RNF111: variants seen among roughly 807,000 people sequenced by gnomAD.
RNF111 encodes ring finger protein 111, also known as E3 ubiquitin-protein ligase Arkadia.
In RNF111, 17 loss-of-function variants were observed where a neutral mutation model predicts 95.1. The observed-to-expected ratio is 0.18, with a 90% CI of 0.12 to 0.27. RNF111 has a LOEUF of 0.27. Among genes scored for constraint, RNF111 ranks in the 10% least tolerant of loss-of-function variants. The pLI, the probability that RNF111 is intolerant of heterozygous loss-of-function variation, is 1.00. For missense variants in RNF111, 1,189 were observed against 1,210.4 expected (o/e 0.98, Z 0.26); for synonymous variants, 440 against 414.8 (o/e 1.06, Z -0.74).
intron 5 of RNF111, among the ~76,000 whole-genome samples, chr15:59,060,797 T>TATA (rs1207251899): frequency 6.7e-6 from 1 of 148,526 alleles, no homozygotes; most frequent in African/African-American, 2.5e-5. Context: ...TTATTATTAT[T>TATA]ATTATTATTA....
intron 2 of RNF111, among the ~76,000 whole-genome samples, chr15:59,048,722 A>G (rs2041828217): frequency 6.6e-6 from 1 of 152,198 alleles, no homozygotes; most frequent in African/African-American, 2.4e-5. Context: ...ACAGCAAGAA[A>G]AGAAATGGAG....
chr15:59,056,993 C>T (rs371986810), intron 4 of RNF111, among the ~76,000 whole-genome samples: 1 of 152,152 alleles, frequency 6.6e-6, no homozygotes. Context: ...CCTTTCCCCC[C>T]ACTAGTTTTT....
At chr15:59,080,392 G>C (rs1194942437) in intron 7 of RNF111, among the ~76,000 whole-genome samples, 1 of 152,146 alleles carries the variant, frequency 6.6e-6, no homozygotes, top group Non-Finnish European at 1.5e-5. Flanking sequence ...AAAGTGCTGG[G>C]ATTACAGGTG....
chr15:59,030,755 A>G lies in RNF111; in HGVS notation c.-19-49A>G, dbSNP rs183901750. 1.1e-4 allele frequency: 150 copies of G among 1,305,300 alleles called. No individual in the cohort carries two copies. In the African/African-American group the frequency reaches 2.0e-3, roughly 17 times the overall value. 80.9% of individuals were successfully genotyped at this position (1,305,300 alleles called of 1,614,324 possible). Reference sequence around the variant, plus strand: ...TTTGAGAACTCTTCAATTAAATAGTATAATAAAACACATTAAAAATCTTTT... The same window carrying G: ...TTTGAGAACTCTTCAATTAAATAGTGTAATAAAACACATTAAAAATCTTTT... On this transcript the variant is annotated intron_variant, in intron 1 of 13. Transcript: ENST00000348370.
At chr15:59,074,979 T>C (rs1278332299) in intron 6 of RNF111, among the ~76,000 whole-genome samples, 2 of 152,222 alleles carry the variant, frequency 1.3e-5, no homozygotes, top group African/African-American at 2.4e-5. Flanking sequence ...AGCAGGGTAA[T>C]GGGGAAACAT....
At chr15:59,067,523 C>T (rs1395070289) in intron 6 of RNF111, among the ~76,000 whole-genome samples, 2 of 152,238 alleles carry the variant, frequency 1.3e-5, no homozygotes, top group African/African-American at 2.4e-5. Flanking sequence ...CACATTCTTA[C>T]ACTCGAAAAT....
intron 3 of RNF111, among the ~76,000 whole-genome samples, chr15:59,053,369 C>G (rs982812657): frequency 2.6e-5 from 4 of 152,164 alleles, no homozygotes; most frequent in Non-Finnish European, 4.4e-5. Context: ...ACATTTGATA[C>G]ACCCAACTAA....
intron 6 of RNF111, among the ~76,000 whole-genome samples, chr15:59,070,217 A>C (rs1320888042): frequency 6.6e-6 from 1 of 151,742 alleles, no homozygotes; most frequent in African/African-American, 2.4e-5. Flanking sequence ...GTGTAAGCCA[A>C]TTATTATGTC....
chr15:58,992,656 A>G (rs1195840740), intron 1 of RNF111, among the ~76,000 whole-genome samples: 1 of 151,776 alleles, frequency 6.6e-6, no homozygotes, highest in Non-Finnish European at 1.5e-5. Context: ...TGGCTGTACC[A>G]AAAAAATACA....
chr15:58,989,240 T>C (rs191041586), intron 1 of RNF111, among the ~76,000 whole-genome samples: 3 of 152,352 alleles, frequency 2.0e-5, no homozygotes, highest in African/African-American at 7.2e-5. Flanking sequence ...AGTCTGGTTA[T>C]ATTTGTGAGG....
At chr15:59,011,354 C>T (rs1205931487) in intron 1 of RNF111, among the ~76,000 whole-genome samples, 1 of 152,206 alleles carries the variant, frequency 6.6e-6, no homozygotes, top group African/African-American at 2.4e-5. Context: ...ACTATAACTT[C>T]CTCAGGACTG....
In RNF111 at chr15:58,998,636, A is replaced by C. The variant is rs189113680; in HGVS notation, c.-20+10568A>C. Among the ~76,000 whole-genome samples, 424 of 152,358 alleles carry C rather than the reference A, an allele frequency of 2.8e-3. 3 individuals are homozygous for C. The highest frequency in any genetic ancestry group is 9.6e-3 in the African/African-American group (399 of 41,582). On this transcript the variant is annotated intron_variant, in intron 1 of 13. Coordinates refer to ENST00000348370, the MANE Select transcript of RNF111 (RefSeq NM_017610.8). ...GTTGTGTGAACTTGGATATTTGTAC[A>C]TATTTTCTCAAAAATAAATGAAGTG...
intron 1 of RNF111, among the ~76,000 whole-genome samples, chr15:59,030,144 A>G (rs909544437): frequency 6.6e-6 from 1 of 152,150 alleles, no homozygotes; most frequent in Non-Finnish European, 1.5e-5. Flanking sequence ...TGTATTGTTT[A>G]TTTAACTGAA....
intron 2 of RNF111, among the ~76,000 whole-genome samples, chr15:59,036,262 T>G (rs1812985102): frequency 1.3e-5 from 2 of 152,214 alleles, no homozygotes; most frequent in South Asian, 4.1e-4. Context: ...TTCACCATGG[T>G]GGCCGGGCTG....
chr15:59,006,034 G>A (rs74938395), intron 1 of RNF111, among the ~76,000 whole-genome samples: 1,910 of 152,216 alleles, frequency 0.013, 34 homozygotes, highest in East Asian at 0.031. Context: ...TTCCTTCTAA[G>A]GAAAACCATC....
At chr15:59,028,764 T>G (rs2040751133) in intron 1 of RNF111, among the ~76,000 whole-genome samples, 1 of 137,916 alleles carries the variant, frequency 7.3e-6, no homozygotes, top group African/African-American at 2.7e-5. Flanking sequence ...CTAGGTCACA[T>G]AGCAATTTTG....
chr15:59,064,694 G>T (rs2042582921), intron 5 of RNF111, among the ~76,000 whole-genome samples: 1 of 151,980 alleles, frequency 6.6e-6, no homozygotes, highest in Non-Finnish European at 1.5e-5. Context: ...CCCAGGTTAA[G>T]AACCTTTACA....
chr15:58,990,882 A>G (rs747185983), intron 1 of RNF111, among the ~76,000 whole-genome samples: 2 of 148,470 alleles, frequency 1.3e-5, no homozygotes, highest in Middle Eastern at 3.2e-3. Context: ...TGAATGTCTT[A>G]TACCTCTGTT....
chr15:59,094,445 A>T (rs775598654), intron 13 of RNF111, among the ~76,000 whole-genome samples: 4 of 152,216 alleles, frequency 2.6e-5, no homozygotes, highest in Non-Finnish European at 5.9e-5. Context: ...ATTTTTAAAA[A>T]TATATTTGCA....
Sources: allele counts gnomAD v4.1 joint callset (sites outside exome capture counted in the v4.1 genomes callset), GRCh38; gene constraint gnomAD v4.1.1; transcripts MANE v1.5; gene names NCBI Gene and HGNC (gene_info 2026-07-23, HGNC 2026-07-21).